Variants in VLDLR observed in about 807,000 individuals in gnomAD.
VLDLR encodes very low-density lipoprotein receptor.
VLDLR carries 81 observed loss-of-function variants against 112.7 expected under a neutral mutation model. That is an observed-to-expected ratio of 0.72 (90% CI 0.60 to 0.86). The LOEUF is 0.86. Ranked by LOEUF, VLDLR falls within the 40% of genes least tolerant of loss-of-function variation. The pLI is 0.00. For missense variants in VLDLR, 1,237 were observed against 1,099.4 expected, an observed-to-expected ratio of 1.13 and a Z score of -1.77; for synonymous variants, 436 against 384.8, an observed-to-expected ratio of 1.13 and a Z score of -1.56.
intron 2 of VLDLR, among the ~76,000 whole-genome samples, chr9:2,636,905 A>G (rs1389221637): frequency 1.3e-5 from 2 of 152,200 alleles, no homozygotes; most frequent in African/African-American, 2.4e-5. Context: ...AAAAGTAATT[A>G]TTCTCTTTGT....
chr9:2,636,609 T>G (rs1018052950), intron 2 of VLDLR, among the ~76,000 whole-genome samples: 10 of 152,206 alleles, frequency 6.6e-5, no homozygotes, highest in Admixed American at 3.3e-4. Context: ...CATAAGAAAG[T>G]CCATTCTACC....
Position 2,640,000 on chromosome 9 carries a change from G to A in VLDLR, c.325+19G>A, listed in dbSNP as rs776407192. 6.2e-7 allele frequency: 1 copy of A among 1,614,130 alleles called. No homozygotes were observed. Among genetic ancestry groups the A allele is most frequent in the South Asian group, 1.1e-5 (1 of 91,074 alleles). ...CAGTGCCGTGAGTGTAACTTGCTTT[G>A]GCCTTGAACTTTGCCAAGTTGTTCG... On this transcript the variant is annotated intron_variant, in intron 3 of 18. Transcript: ENST00000382100.
In VLDLR at chr9:2,644,062, T is replaced by C. The variant is rs190003720; in HGVS notation, c.1066+103T>C. ...CGTGATGGCTAGTTAAACTTTTGAA[T>C]GTACTGAAGTTCAATTGTAGACTTC... On this transcript the variant is annotated intron_variant, in intron 7 of 18. Transcript: ENST00000382100. The C allele has an allele frequency of 2.7e-4, 417 of 1,550,684 alleles. 2 individuals carry two copies. In the African/African-American group the frequency reaches 5.3e-3, roughly 20 times the overall value.
rs1354701923 is a variant in VLDLR, at chr9:2,647,589, C to G, written c.1819C>G (p.Leu607Val). Residue 607 changes from leucine to valine, a missense_variant, in exon 12 of 19, where the codon CTT (leucine) becomes GTT (valine). Transcript: ENST00000382100. ...ADIQWPNGIT[L>V]DLIKSRLYWL... ...TATCCAGTGGCCTAACGGAATTACA[C>G]TTGGTATGTATGTTCTTCCTTCTCG... is the stretch of plus-strand genomic sequence containing the variant. 2 of 1,611,998 alleles carry G rather than the reference C, an allele frequency of 1.2e-6. No individual in the cohort carries two copies. Among genetic ancestry groups the G allele is most frequent in the South Asian group, 2.2e-5 (2 of 91,040 alleles).
chr9:2,622,119 G>C lies in VLDLR; in HGVS notation c.-71G>C. 1 of 1,398,924 alleles carries C rather than the reference G, an allele frequency of 7.1e-7. No homozygotes were observed. The highest frequency in any genetic ancestry group is 9.5e-7 in the Non-Finnish European group (1 of 1,057,970). 86.7% of individuals were successfully genotyped at this position (1,398,924 alleles called of 1,614,324 possible). A position where few individuals can be genotyped will look rare whatever the true frequency, so the allele number is the denominator to read the frequency against. On this transcript the variant is annotated 5_prime_UTR_variant, in exon 1 of 19. Transcript: ENST00000382100. ...CCCCACCTTCTTCCTCCTTTCGGAA[G>C]GACTGGTAACTTGTCGTGCGGAGCG...
intron 11 of VLDLR, among the ~76,000 whole-genome samples, 169 bp downstream of exon 11, chr9:2,646,721 A>G (rs776628866): frequency 6.6e-6 from 1 of 152,190 alleles, no homozygotes; most frequent in Non-Finnish European, 1.5e-5. Flanking sequence ...TGACCCTGGG[A>G]TGTCCTTATC....
rs923395114 is a variant in VLDLR, at chr9:2,658,822, C to G, written c.*4954C>G. 4 of 152,130 alleles carry G rather than the reference C, an allele frequency of 2.6e-5. No homozygotes were observed. Among genetic ancestry groups the G allele is most frequent in the Admixed American group, 2.6e-4 (4 of 15,270 alleles). 9.4% of individuals were successfully genotyped at this position (152,130 alleles called of 1,614,324 possible). ...CTTTACCGGTGAAAGTCACAGGTACCTTTATCTATGATGAATGTAATGTGT... is the reference window on the plus strand; with the variant it reads ...CTTTACCGGTGAAAGTCACAGGTACGTTTATCTATGATGAATGTAATGTGT... On this transcript the variant is annotated 3_prime_UTR_variant, in exon 19 of 19. Transcript: ENST00000382100.
rs1001767560 is a variant in VLDLR at position 2,659,510 on chromosome 9, G to C, written c.*5642G>C. On this transcript the variant is annotated 3_prime_UTR_variant, in exon 19 of 19. Coordinates refer to ENST00000382100, the MANE Select transcript of VLDLR (RefSeq NM_003383.5). ...TTTCCTTGGCCATCCAAGTGAAGTA[G>C]AAGTAGATTGTTGGATTGCAAAGAA... The C allele has an allele frequency of 1.3e-5, 2 of 152,238 alleles. No homozygotes were observed. Among genetic ancestry groups the C allele is most frequent in the African/African-American group, 2.4e-5 (1 of 41,450 alleles). The allele number at this position is 152,238 out of a possible 1,614,324, so 9.4% of individuals were successfully genotyped here. A position where few individuals can be genotyped will look rare whatever the true frequency, so the allele number is the denominator to read the frequency against.
chr9:2,641,491 A>C lies in VLDLR; in HGVS notation c.440A>C (p.Glu147Ala). 2 of 1,614,184 alleles carry C rather than the reference A, an allele frequency of 1.2e-6. No individual in the cohort carries two copies. The highest frequency in any genetic ancestry group is 1.7e-6 in the Non-Finnish European group (2 of 1,180,010). Residue 147 changes from glutamate to alanine, a missense_variant, in exon 4 of 19, where the codon GAA becomes GCA. Glu to Ala is a moderately radical substitution (Grantham distance 107, BLOSUM62 -1). Transcript: ENST00000382100. Reference protein sequence around the residue: ...ENDCDSGEDEENCGNITCSPD... With the variant: ...ENDCDSGEDEANCGNITCSPD... ...GATTGTGACAGTGGAGAAGATGAAG[A>C]AAACTGTGGTAAGAAGATCAGTGTT... is the stretch of plus-strand genomic sequence containing the variant.
Position 2,646,975 on chromosome 9 carries a change from C to T in VLDLR, c.1703+423C>T, listed in dbSNP as rs373671822. Among the ~76,000 whole-genome samples, 4 of 152,266 alleles carry T rather than the reference C, an allele frequency of 2.6e-5. No individual in the cohort carries two copies. The East Asian group carries it at 7.7e-4, about 29-fold the overall frequency. On this transcript the variant is annotated intron_variant, in intron 11 of 18. Transcript: ENST00000382100. ...GGTAACCACATTGCATCTAAGTGTG[C>T]AAGTTGTCTGAAAGTCCAGCAGAAA... is the stretch of plus-strand genomic sequence containing the variant.
intron 4 of VLDLR, among the ~76,000 whole-genome samples, chr9:2,642,593 C>G (rs1817877303): frequency 6.6e-6 from 1 of 152,194 alleles, no homozygotes; most frequent in Admixed American, 6.5e-5. Flanking sequence ...GTCAGCATAC[C>G]TGATTGTTAA....
intron 1 of VLDLR, among the ~76,000 whole-genome samples, chr9:2,626,622 T>G (rs1248267404): frequency 1.3e-5 from 2 of 152,210 alleles, no homozygotes; most frequent in African/African-American, 4.8e-5. Context: ...TTGCCTACTT[T>G]GTAGTTTAGA....
intron 18 of VLDLR, among the ~76,000 whole-genome samples, chr9:2,653,437 G>T (rs1054977374): frequency 6.6e-6 from 1 of 152,150 alleles, no homozygotes; most frequent in African/African-American, 2.4e-5. Context: ...TTGTTCTTCA[G>T]ATGAAACCCA....
chr9:2,651,813 G>T, intron 16 of VLDLR, 61 bp from the exon 17 acceptor site: 1 of 1,593,548 alleles, frequency 6.3e-7, no homozygotes, highest in African/African-American at 1.3e-5. Context: ...CTTACCTGAT[G>T]GGTAAATTTC....
chr9:2,648,790 A>G lies in VLDLR; in HGVS notation c.2084A>G (p.His695Arg). 6.2e-7 allele frequency: 1 copy of G among 1,614,196 alleles called. No individual in the cohort carries two copies. Among genetic ancestry groups the G allele is most frequent in the Non-Finnish European group, 8.5e-7 (1 of 1,180,036 alleles). ...LNDAQDIIVY[H>R]ELVQPSGKNW... ...GATGCCCAAGACATCATTGTCTATC[A>G]TGAACTTGTACAGCCATCAGGTACC... The change falls in exon 14 of 19, where the codon CAT becomes CGT. Residue 695 changes from histidine (H) to arginine (R), a missense_variant. Physicochemically the swap from His to Arg is conservative, Grantham distance 29. Transcript: ENST00000382100.
Position 2,622,226 on chromosome 9 carries a change from C to A in VLDLR, c.37C>A (p.Leu13Ile). The A allele has an allele frequency of 6.6e-7, 1 of 1,506,566 alleles. No individual in the cohort carries two copies. The highest frequency in any genetic ancestry group is 8.8e-7 in the Non-Finnish European group (1 of 1,134,518). 93.3% of individuals were successfully genotyped at this position (1,506,566 alleles called of 1,614,324 possible). The change falls in exon 1 of 19, where the codon CTC becomes ATC. Residue 13 changes from leucine (L) to isoleucine (I), a missense_variant. Physicochemically the swap from Leu to Ile is conservative, Grantham distance 5 (BLOSUM62 2). Coordinates refer to ENST00000382100, the MANE Select transcript of VLDLR (RefSeq NM_003383.5). ...TSALWALWLL[L>I]ALCWAPRESG... ...CGCGCTCTGGGCGCTCTGGCTGCTG[C>A]TCGCGCTGTGCTGGGCGCCCCGGGA...
At chr9:2,645,358 C>G (rs1818022556) in intron 9 of VLDLR, among the ~76,000 whole-genome samples, 1 of 152,154 alleles carries the variant, frequency 6.6e-6, no homozygotes, top group African/African-American at 2.4e-5. Flanking sequence ...ACTTATTCAT[C>G]ACTCACCCTG....
At chr9:2,624,921 C>T (rs1817023115) in intron 1 of VLDLR, among the ~76,000 whole-genome samples, 1 of 152,218 alleles carries the variant, frequency 6.6e-6, no homozygotes. Context: ...CTTTATGTGG[C>T]ATTTACCTAT....
chr9:2,646,623 A>C, intron 11 of VLDLR, 71 bp downstream of exon 11: 1 of 1,356,598 alleles, frequency 7.4e-7, no homozygotes, highest in East Asian at 2.3e-5. Flanking sequence ...CTCATACCTG[A>C]ATTAGTACTC....
Sources: gnomAD v4.1 joint callset for allele counts (sites outside exome capture counted in the v4.1 genomes callset) on GRCh38, gnomAD v4.1.1 for gene constraint, MANE v1.5 for transcripts, NCBI Gene and HGNC (gene_info 2026-07-23, HGNC 2026-07-21) for gene names.